Variants in PTPRM observed in about 807,000 individuals in gnomAD.
PTPRM encodes protein tyrosine phosphatase receptor type M, also known as receptor-type tyrosine-protein phosphatase mu.
Under a neutral mutation model 186.7 loss-of-function variants are expected in PTPRM, and 47 were observed. The ratio of observed to expected loss-of-function variants is 0.25; its 90% CI spans 0.20 to 0.32. The LOEUF (loss-of-function observed/expected upper bound fraction) is 0.32, where lower values mean the gene tolerates loss of function less well. Ranked by LOEUF, PTPRM falls within the 10% of genes least tolerant of loss-of-function variation. PTPRM has a pLI of 1.00. For synonymous variants in PTPRM, 668 were observed against 674.9 expected, an observed-to-expected ratio of 0.99 and a Z score of 0.16; for missense variants, 1,494 against 1,865.0, an observed-to-expected ratio of 0.80 and a Z score of 3.66.
intron 7 of PTPRM, among the ~76,000 whole-genome samples, chr18:8,050,527 G>A (rs1433416315): frequency 6.6e-6 from 1 of 150,582 alleles, no homozygotes; most frequent in South Asian, 2.1e-4. Flanking sequence ...ATACACTCCT[G>A]TCAACATGCA....
At chr18:7,756,831 G>T (rs541932529) in intron 1 of PTPRM, among the ~76,000 whole-genome samples, 1 of 152,248 alleles carries the variant, frequency 6.6e-6, no homozygotes, top group African/African-American at 2.4e-5. Context: ...GTAAAGGGGG[G>T]ACAACGTTTT....
At chr18:8,166,884 A>C (rs2093331351) in intron 14 of PTPRM, among the ~76,000 whole-genome samples, 1 of 152,220 alleles carries the variant, frequency 6.6e-6, no homozygotes, top group South Asian at 2.1e-4. Context: ...TTGAAATAAA[A>C]TAGACCTAGG....
At chr18:7,732,657 C>T (rs752811724) in intron 1 of PTPRM, among the ~76,000 whole-genome samples, 1 of 151,978 alleles carries the variant, frequency 6.6e-6, no homozygotes, top group Non-Finnish European at 1.5e-5. Context: ...CAGGTATGCA[C>T]CCCCATGCCT....
At chr18:7,918,386 G>A (rs1394594554) in intron 4 of PTPRM, among the ~76,000 whole-genome samples, 2 of 152,048 alleles carry the variant, frequency 1.3e-5, no homozygotes, top group South Asian at 2.1e-4. Flanking sequence ...TTCTCCACAT[G>A]CTCACCAGTA....
intron 31 of PTPRM, among the ~76,000 whole-genome samples, chr18:8,390,354 C>A (rs148711143): frequency 6.6e-6 from 1 of 152,212 alleles, no homozygotes; most frequent in Non-Finnish European, 1.5e-5. Context: ...AATATCTTCA[C>A]GACCGCGGGT....
chr18:8,398,581 C>A (rs650719), intron 32 of PTPRM, among the ~76,000 whole-genome samples: 55,510 of 151,840 alleles, frequency 0.37, 10,749 homozygotes, highest in Non-Finnish European at 0.43. Flanking sequence ...GCCTGGCCAA[C>A]CAACATGGTG....
At chr18:7,878,522 T>G (rs577268995) in intron 2 of PTPRM, among the ~76,000 whole-genome samples, 1 of 152,322 alleles carries the variant, frequency 6.6e-6, no homozygotes, top group East Asian at 1.9e-4. Flanking sequence ...TCTTTTGAAC[T>G]GTTTTTTAGG....
chr18:7,957,169 T>C (rs12959314), intron 7 of PTPRM, among the ~76,000 whole-genome samples: 21,737 of 151,422 alleles, frequency 0.14, 1,822 homozygotes, highest in Non-Finnish European at 0.19. Context: ...TTTCCAGTCC[T>C]GTTCTTTTTT....
intron 2 of PTPRM, among the ~76,000 whole-genome samples, chr18:7,821,996 G>C (rs781659095): frequency 6.6e-6 from 1 of 152,204 alleles, no homozygotes; most frequent in Non-Finnish European, 1.5e-5. Flanking sequence ...GGAAAACAAA[G>C]CAGCAGATGA....
chr18:7,759,906 G>A lies in PTPRM; in HGVS notation c.74-14243G>A, dbSNP rs189491900. The stretch of plus-strand genomic sequence containing the variant: ...GAGTTGTACGGAAACTATAATATTA[G>A]GTGTTCTTCAGTGATCTTTTCAGCA... On this transcript the variant is annotated intron_variant, in intron 1 of 32. Coordinates refer to ENST00000580170, the MANE Select transcript of PTPRM (RefSeq NM_001105244.2). Among the ~76,000 whole-genome samples, 419 of 152,248 alleles carry A rather than the reference G, an allele frequency of 2.8e-3. 3 individuals carry two copies. Among genetic ancestry groups the A allele is most frequent in the Non-Finnish European group, 4.5e-3 (309 of 68,012 alleles).
intron 7 of PTPRM, among the ~76,000 whole-genome samples, chr18:8,032,988 T>G (rs1013669185): frequency 6.6e-6 from 1 of 152,158 alleles, no homozygotes; most frequent in African/African-American, 2.4e-5. Context: ...TTGAAAAGCC[T>G]GAGATTCTTC....
chr18:7,613,038 C>T (rs1048692301), intron 1 of PTPRM, among the ~76,000 whole-genome samples: 3 of 152,230 alleles, frequency 2.0e-5, no homozygotes, highest in Non-Finnish European at 4.4e-5. Flanking sequence ...AGGAAACCAG[C>T]GTCCCATCTG....
chr18:7,865,308 T>TGGG (rs573495602), intron 2 of PTPRM, among the ~76,000 whole-genome samples: 4,603 of 152,316 alleles, frequency 0.03, 159 homozygotes, highest in East Asian at 0.15. Flanking sequence ...TTCAGTATGA[T>TGGG]ATTGGCTGTG....
chr18:7,910,899 G>C (rs1054065655), intron 4 of PTPRM, among the ~76,000 whole-genome samples: 9 of 152,238 alleles, frequency 5.9e-5, no homozygotes, highest in Admixed American at 5.9e-4. Context: ...TTCGGCCTCA[G>C]GTTCCTTGCC....
At chr18:7,670,430 C>G (rs1394323273) in intron 1 of PTPRM, among the ~76,000 whole-genome samples, 1 of 152,070 alleles carries the variant, frequency 6.6e-6, no homozygotes, top group Non-Finnish European at 1.5e-5. Flanking sequence ...TTGTAGCATG[C>G]TTGATGTTAT....
At chr18:7,578,382 C>A (rs1439822454) in intron 1 of PTPRM, among the ~76,000 whole-genome samples, 1 of 144,630 alleles carries the variant, frequency 6.9e-6, no homozygotes, top group Non-Finnish European at 1.5e-5. Flanking sequence ...GTCGCCCAGG[C>A]TGGAGTACAA....
chr18:7,987,405 A>G (rs2147570464), intron 7 of PTPRM, among the ~76,000 whole-genome samples: 1 of 152,352 alleles, frequency 6.6e-6, no homozygotes, highest in African/African-American at 2.4e-5. Context: ...AATTATTAAT[A>G]ACATAAGCTC....
intron 13 of PTPRM, among the ~76,000 whole-genome samples, chr18:8,126,204 TACTAA>T (rs1278115045): frequency 1.3e-5 from 2 of 150,856 alleles, no homozygotes; most frequent in East Asian, 3.9e-4. Context: ...TGACCTGTCT[TACTAA>T]ATTTATTCCT....
At chr18:8,313,847 C>T (rs2095287879) in intron 20 of PTPRM, among the ~76,000 whole-genome samples, 1 of 151,962 alleles carries the variant, frequency 6.6e-6, no homozygotes, top group Admixed American at 6.6e-5. Flanking sequence ...CGAAGCACAT[C>T]CCTTTTTAAA....
Sources: gnomAD v4.1 joint callset for allele counts (sites outside exome capture counted in the v4.1 genomes callset) on GRCh38, gnomAD v4.1.1 for gene constraint, MANE v1.5 for transcripts, NCBI Gene and HGNC (gene_info 2026-07-23, HGNC 2026-07-21) for gene names.